The following SMARCA4 variants were observed in gnomAD, a reference collection of about 807,000 sequenced individuals.
SMARCA4 encodes the protein SWI/SNF related BAF chromatin remodeling complex subunit ATPase 4.
In SMARCA4, 31 loss-of-function variants were observed where a neutral mutation model predicts 193.9. That is an observed-to-expected ratio of 0.16 (90% confidence interval 0.12 to 0.22). The LOEUF (loss-of-function observed/expected upper bound fraction) is 0.22. Ranked by LOEUF, SMARCA4 falls within the 10% of genes least tolerant of loss-of-function variation. The probability of loss-of-function intolerance (pLI) is 1.00; values close to 1 mark genes in which losing one functional copy is unlikely to be tolerated. For missense variants in SMARCA4, 1,148 were observed against 2,296.0 expected (o/e 0.50, Z 10.22); for synonymous variants, 942 against 933.1 (o/e 1.01, Z -0.17).
Position 10,985,513 on chromosome 19 carries a change from G to T in SMARCA4, c.355+108G>T. ...GATGGATTCAGGGAGTACCTAGGAT[G>T]ATGTAGCCGGGTGGGTGGCCCGCCA... On this transcript the variant is annotated intron_variant, in intron 3 of 34. Transcript: ENST00000344626. The surrounding 1 kb of genome is among the most constrained non-coding windows in gnomAD (Gnocchi z 4.5). The T allele has an allele frequency of 7.3e-7, 1 of 1,376,706 alleles. No homozygotes were observed. The highest frequency in any genetic ancestry group is 1.0e-6 in the Non-Finnish European group (1 of 999,412). The allele number at this position is 1,376,706 out of a possible 1,614,324, so 85.3% of individuals were successfully genotyped here.
At position 11,058,911 on chromosome 19, in the gene SMARCA4, G is replaced by T; in HGVS notation, c.4635+22G>T. 6.3e-7 allele frequency: 1 copy of T among 1,585,546 alleles called. No homozygotes were observed. The highest frequency in any genetic ancestry group is 1.1e-5 in the South Asian group (1 of 90,542). On this transcript the variant is annotated intron_variant, in intron 32 of 34. Transcript: ENST00000344626. This position sits in a 1 kb window ranked among gnomAD's most constrained non-coding sequence, Gnocchi z 5.8. The stretch of plus-strand genomic sequence containing the variant: ...CCTGGTGAGGGCACCGCTGGGGGTT[G>T]GGGATGGGCCACTCCCACAGCTGGG...
In SMARCA4 at chr19:11,041,593, A is replaced by T. The variant is rs1265599901; in HGVS notation, c.4424+33A>T. 1.2e-6 allele frequency: 2 copies of T among 1,603,248 alleles called. No homozygotes were observed. The highest frequency in any genetic ancestry group is 1.7e-6 in the Non-Finnish European group (2 of 1,174,680). The stretch of plus-strand genomic sequence containing the variant: ...AGGAGGCGGGGAGGGCGGGGGCTGT[A>T]GGGGTCCCCGTGGGAGCAGGCCTGG... On this transcript the variant is annotated intron_variant, in intron 30 of 34. Transcript: ENST00000344626. The surrounding 1 kb of genome is among the most constrained non-coding windows in gnomAD (Gnocchi z 5.6).
Position 11,013,055 on chromosome 19 carries a change from C to T in SMARCA4, c.2381C>T (p.Thr794Met), listed in dbSNP as rs1193519882. ...ACCATCCAGACCATCGCGCTCATCA[C>T]GTACCTCATGGAGCACAAACGCATC... ...GKTIQTIALI[T>M]YLMEHKRING... Residue 794 changes from threonine (T) to methionine (M), a missense_variant, in exon 16 of 35, where the codon ACG becomes ATG. Thr to Met is a moderately conservative substitution (Grantham distance 81). Around this residue, in one of 17 missense-constraint regions of SMARCA4, gnomAD observed 54 missense variants for 123.3 expected, o/e 0.44. Coordinates refer to ENST00000344626, the MANE Select transcript of SMARCA4 (RefSeq NM_003072.5). 1 of 1,614,122 alleles carries T rather than the reference C, an allele frequency of 6.2e-7. No individual in the cohort carries two copies. The highest frequency in any genetic ancestry group is 1.3e-5 in the African/African-American group (1 of 75,064).
intron 30 of SMARCA4, among the ~76,000 whole-genome samples, chr19:11,050,082 G>A (rs1441154558): frequency 1.3e-5 from 2 of 152,226 alleles, no homozygotes; most frequent in African/African-American, 4.8e-5. Context: ...CTGGGTGACA[G>A]TGAGACTACG....
chr19:10,999,070 G>A (rs1439175734), intron 11 of SMARCA4, among the ~76,000 whole-genome samples: 1 of 151,912 alleles, frequency 6.6e-6, no homozygotes, highest in Non-Finnish European at 1.5e-5. Context: ...GCTTGGTTAA[G>A]TGTTCTGTAT....
In SMARCA4 at chr19:11,041,201, C is replaced by T. The variant is rs1016290365; in HGVS notation, c.4171-106C>T. 3.2e-5 allele frequency: 40 copies of T among 1,236,450 alleles called. No individual in the cohort carries two copies. In the Admixed American group the frequency reaches 7.3e-4, roughly 22 times the overall value. 76.6% of individuals were successfully genotyped at this position (1,236,450 alleles called of 1,614,324 possible). A position where few individuals can be genotyped will look rare whatever the true frequency, so the allele number is the denominator to read the frequency against. On this transcript the variant is annotated intron_variant, in intron 29 of 34. Transcript: ENST00000344626. This position sits in a 1 kb window ranked among gnomAD's most constrained non-coding sequence, Gnocchi z 5.6. ...AGTCAAGCTGAAGGGAGAGCGGGTG[C>T]GGGGGCCCTCCTCCGTGTCCCAGCC...
rs549787494 is a variant in SMARCA4 at position 10,988,196 on chromosome 19, C to T, written c.1118+272C>T. ...AGTGCAATGGCACAATCTCGGTTCA[C>T]TGCAACCTGCATCTCCTGGCTTCAA... On this transcript the variant is annotated intron_variant, in intron 6 of 34. Coordinates refer to ENST00000344626, the MANE Select transcript of SMARCA4 (RefSeq NM_003072.5). Among the ~76,000 whole-genome samples the T allele has an allele frequency of 2.0e-5, 3 of 152,198 alleles. No homozygotes were observed. The East Asian group carries it at 5.8e-4, about 29-fold the overall frequency.
chr19:11,061,926 T>C lies in SMARCA4; in HGVS notation c.*110T>C. On this transcript the variant is annotated 3_prime_UTR_variant, in exon 35 of 35. Coordinates refer to ENST00000344626, the MANE Select transcript of SMARCA4 (RefSeq NM_003072.5). Reference sequence around the variant, plus strand: ...TGTAGTTTCAGACTTGGAGTAAAACTGTATAAACAAAAGAATCTTCCATAT... The same window carrying C: ...TGTAGTTTCAGACTTGGAGTAAAACCGTATAAACAAAAGAATCTTCCATAT... 14 of 1,027,086 alleles carry C rather than the reference T, an allele frequency of 1.4e-5. No individual in the cohort carries two copies. The highest frequency in any genetic ancestry group is 2.2e-5 in the Non-Finnish European group (14 of 650,068). The allele number at this position is 1,027,086 out of a possible 1,614,324, so 63.6% of individuals were successfully genotyped here. A position where few individuals can be genotyped will look rare whatever the true frequency, so the allele number is the denominator to read the frequency against.
At chr19:11,052,343 G>A (rs991095890) in intron 30 of SMARCA4, among the ~76,000 whole-genome samples, 1 of 152,142 alleles carries the variant, frequency 6.6e-6, no homozygotes. Context: ...GGAAAATCAC[G>A]TGAGCCCAGG....
In SMARCA4 at chr19:10,986,987, C is replaced by A. The variant is rs1221243562; in HGVS notation, c.843C>A (p.Pro281=). ...CAGGCCAGCCTCCTGGAGGGCCTCC[C>A]AAGCCCTGGCCTGAAGGTGAGCTCC... is the stretch of plus-strand genomic sequence containing the variant. ...GMPGQPPGGP[P]KPWPEGPMAN... Residue 281 remains proline (P), a synonymous_variant, in exon 5 of 35, where the codon CCC becomes CCA. Coordinates refer to ENST00000344626, the MANE Select transcript of SMARCA4 (RefSeq NM_003072.5). The surrounding 1 kb of genome is among the most constrained non-coding windows in gnomAD (Gnocchi z 6.7). The A allele has an allele frequency of 6.2e-7, 1 of 1,605,578 alleles. No homozygotes were observed. The highest frequency in any genetic ancestry group is 1.7e-5 in the Admixed American group (1 of 60,010).
intron 1 of SMARCA4, among the ~76,000 whole-genome samples, chr19:10,980,197 G>T (rs2145664008): frequency 6.6e-6 from 1 of 152,230 alleles, no homozygotes; most frequent in East Asian, 1.9e-4. Flanking sequence ...AAATGAATTT[G>T]CGGATGCTGG....
At chr19:11,055,067 C>G (rs1455888224) in intron 30 of SMARCA4, among the ~76,000 whole-genome samples, 1 of 152,188 alleles carries the variant, frequency 6.6e-6, no homozygotes, top group African/African-American at 2.4e-5. Flanking sequence ...AGGACAGGAC[C>G]TCCAGGGAAC....
chr19:10,967,734 G>A (rs1036142087), intron 1 of SMARCA4, among the ~76,000 whole-genome samples: 2 of 148,380 alleles, frequency 1.3e-5, no homozygotes, highest in Non-Finnish European at 3.0e-5. Context: ...TCCCAGGCTG[G>A]AGTGCAGCGG....
intron 8 of SMARCA4, among the ~76,000 whole-genome samples, chr19:10,992,799 A>C (rs1167241407): frequency 6.6e-6 from 1 of 152,084 alleles, no homozygotes; most frequent in Non-Finnish European, 1.5e-5. Context: ...TATGTTGGCC[A>C]GGCTGCTGGT....
At chr19:11,014,520 T>C (rs1237549290) in intron 16 of SMARCA4, among the ~76,000 whole-genome samples, 1 of 152,222 alleles carries the variant, frequency 6.6e-6, no homozygotes, top group Non-Finnish European at 1.5e-5. Flanking sequence ...GCGTTCCTGC[T>C]GCACCTGCCT....
At chr19:10,980,185 G>A (rs1047391126) in intron 1 of SMARCA4, among the ~76,000 whole-genome samples, 4 of 152,080 alleles carry the variant, frequency 2.6e-5, no homozygotes, top group East Asian at 1.9e-4. Flanking sequence ...CTTTCAATCC[G>A]GAAATGAATT....
chr19:10,966,653 A>G (rs2084244432), intron 1 of SMARCA4, among the ~76,000 whole-genome samples: 1 of 151,608 alleles, frequency 6.6e-6, no homozygotes, highest in African/African-American at 2.4e-5. Flanking sequence ...TTGGGAGCCG[A>G]GGCGGGCGGA....
In SMARCA4 at chr19:10,994,980, G is replaced by A. The variant is rs2086888706; in HGVS notation, c.1572G>A (p.Lys524=). 6.2e-7 allele frequency: 1 copy of A among 1,613,368 alleles called. No individual in the cohort carries two copies. The part of the protein sequence containing the change: ...EQKKENERIE[K]ERMRRLMAED... ...AGAAAGAGAACGAGCGGATCGAGAAGGAGCGCATGCGGAGGCTCATGGTAT... is the reference window on the plus strand; with the variant it reads ...AGAAAGAGAACGAGCGGATCGAGAAAGAGCGCATGCGGAGGCTCATGGTAT... Residue 524 remains lysine, a synonymous_variant, in exon 9 of 35, where the codon AAG becomes AAA. Transcript: ENST00000344626.
chr19:11,045,468 C>G (rs1568535698), intron 30 of SMARCA4, among the ~76,000 whole-genome samples: 1 of 152,210 alleles, frequency 6.6e-6, no homozygotes, highest in Non-Finnish European at 1.5e-5. Flanking sequence ...GGGATATTCT[C>G]TCTATAGATC....
Sources: allele counts gnomAD v4.1 joint callset (sites outside exome capture counted in the v4.1 genomes callset), GRCh38; gene constraint gnomAD v4.1.1; regional missense constraint gnomAD v4.1.1; non-coding constraint Gnocchi (gnomAD v3.1); transcripts MANE v1.5; gene names NCBI Gene and HGNC (gene_info 2026-07-23, HGNC 2026-07-21).